ERC2: variants seen among roughly 807,000 people sequenced by gnomAD.
The protein encoded by ERC2 is ERC protein 2.
In ERC2, 42 loss-of-function variants were observed where a neutral mutation model predicts 114.8. The ratio of observed to expected loss-of-function variants is 0.37; its 90% confidence interval spans 0.29 to 0.47. The LOEUF (loss-of-function observed/expected upper bound fraction) is 0.47. Among genes scored for constraint, ERC2 ranks in the 20% least tolerant of loss-of-function variants. The pLI, the probability that ERC2 is intolerant of heterozygous loss-of-function variation, is 0.99. For missense variants in ERC2, 939 were observed against 1,150.7 expected, an observed-to-expected ratio of 0.82 and a Z score of 2.66; for synonymous variants, 454 against 425.5, an observed-to-expected ratio of 1.07 and a Z score of -0.82.
At chr3:56,278,972 T>C (rs1372473614) in intron 3 of ERC2, among the ~76,000 whole-genome samples, 2 of 152,174 alleles carry the variant, frequency 1.3e-5, no homozygotes, top group Admixed American at 6.5e-5. Flanking sequence ...GAGTATTACA[T>C]ATCCAAATTA....
intron 6 of ERC2, among the ~76,000 whole-genome samples, chr3:56,102,628 A>AAG (rs1454623994): frequency 5.3e-5 from 8 of 152,190 alleles, no homozygotes; most frequent in Non-Finnish European, 7.3e-5. Flanking sequence ...TTAGGAATAT[A>AAG]TAATTAGACA....
chr3:55,986,060 A>G lies in ERC2; in HGVS notation c.2256-72T>C, dbSNP rs182437505. On this transcript the variant is annotated intron_variant, in intron 11 of 17. Coordinates refer to ENST00000288221, the MANE Select transcript of ERC2 (RefSeq NM_015576.3). ...AGGAAAAGGGATAGCAAAAGAGAAT[A>G]AAAGGAAGGAAATGCATTAGTTTTA... 2.2e-4 allele frequency: 304 copies of G among 1,392,086 alleles called. 1 individual carries two copies. Among genetic ancestry groups the G allele is most frequent in the Non-Finnish European group, 2.7e-4 (279 of 1,015,480 alleles). 86.2% of individuals were successfully genotyped at this position (1,392,086 alleles called of 1,614,324 possible).
chr3:56,369,235 T>C (rs1431780902), intron 2 of ERC2, among the ~76,000 whole-genome samples: 2 of 152,180 alleles, frequency 1.3e-5, no homozygotes, highest in Non-Finnish European at 2.9e-5. Flanking sequence ...GTTCAGAAAA[T>C]ACTCATTCTT....
At chr3:56,148,494 C>G (rs1479398759) in intron 5 of ERC2, among the ~76,000 whole-genome samples, 2 of 152,142 alleles carry the variant, frequency 1.3e-5, no homozygotes, top group Non-Finnish European at 2.9e-5. Flanking sequence ...ACCACGTTAG[C>G]CAGGCCGGTC....
At chr3:56,081,408 T>C (rs553800456) in intron 6 of ERC2, among the ~76,000 whole-genome samples, 2 of 152,216 alleles carry the variant, frequency 1.3e-5, no homozygotes, top group East Asian at 1.9e-4. Context: ...GCCATGGACA[T>C]CCAGAGGAAC....
chr3:55,931,511 C>T (rs540037083), intron 13 of ERC2, among the ~76,000 whole-genome samples: 3 of 152,070 alleles, frequency 2.0e-5, no homozygotes, highest in Non-Finnish European at 4.4e-5. Context: ...AACAGAAAAC[C>T]AAACAGCACA....
chr3:55,966,680 G>T (rs2068769339), intron 12 of ERC2, among the ~76,000 whole-genome samples: 1 of 152,128 alleles, frequency 6.6e-6, no homozygotes. Flanking sequence ...CAAAATTCAT[G>T]TCACTTTCCT....
intron 15 of ERC2, among the ~76,000 whole-genome samples, chr3:55,704,857 G>A (rs1210491380): frequency 6.6e-6 from 1 of 152,246 alleles, no homozygotes; most frequent in Non-Finnish European, 1.5e-5. Flanking sequence ...ATCTGCAACT[G>A]CAATGATGCC....
At chr3:55,897,039 G>T (rs62253667) in intron 13 of ERC2, among the ~76,000 whole-genome samples, 13 of 152,114 alleles carry the variant, frequency 8.5e-5, no homozygotes, top group African/African-American at 3.1e-4. Flanking sequence ...CAGTGTTTAC[G>T]CATGGCTCTG....
intron 13 of ERC2, among the ~76,000 whole-genome samples, chr3:55,909,561 T>A (rs1355928573): frequency 2.0e-5 from 3 of 151,562 alleles, no homozygotes; most frequent in African/African-American, 4.9e-5. Context: ...TCCAAGAAGC[T>A]CTCCAGAGCA....
intron 14 of ERC2, chr3:55,766,590 A>T (rs556583658): frequency 6.6e-6 from 1 of 152,160 alleles, no homozygotes; most frequent in Admixed American, 6.5e-5. Context: ...CCCTAAAATA[A>T]TGATGGGGGA....
chr3:55,783,442 C>A lies in ERC2; in HGVS notation c.2565-48524G>T, dbSNP rs925769649. Among the ~76,000 whole-genome samples the A allele has an allele frequency of 1.8e-4, 28 of 152,212 alleles. 1 individual carries two copies. The highest frequency in any genetic ancestry group is 4.4e-5 in the Non-Finnish European group (3 of 68,036). On this transcript the variant is annotated intron_variant, in intron 14 of 17. Coordinates refer to ENST00000288221, the MANE Select transcript of ERC2 (RefSeq NM_015576.3). ...ACTAGTCTCTGAACAAATGTTATTT[C>A]TCTGAATCCAACAGTCCACCTGTCA...
intron 12 of ERC2, among the ~76,000 whole-genome samples, chr3:55,979,582 G>A (rs1316291845): frequency 6.6e-6 from 1 of 152,088 alleles, no homozygotes; most frequent in African/African-American, 2.4e-5. Context: ...ATAAATTATT[G>A]TACATACAGC....
intron 7 of ERC2, among the ~76,000 whole-genome samples, chr3:56,080,587 T>TA (rs1489314270): frequency 1.3e-5 from 2 of 152,188 alleles, no homozygotes; most frequent in South Asian, 2.1e-4. Context: ...AGCTGCTGAA[T>TA]AAAAAATTAT....
intron 17 of ERC2, among the ~76,000 whole-genome samples, chr3:55,575,251 C>T (rs144280168): frequency 1.4e-3 from 207 of 152,304 alleles, no homozygotes; most frequent in Non-Finnish European, 2.5e-3. Context: ...CTCCTGACCT[C>T]AAGTGATCTG....
intron 15 of ERC2, among the ~76,000 whole-genome samples, chr3:55,708,332 C>A (rs2063593029): frequency 6.6e-6 from 1 of 152,186 alleles, no homozygotes; most frequent in Non-Finnish European, 1.5e-5. Context: ...ATCCTGAGCA[C>A]CATTGCTAGT....
chr3:55,960,066 A>G (rs890991686), intron 12 of ERC2, among the ~76,000 whole-genome samples: 3 of 152,140 alleles, frequency 2.0e-5, no homozygotes, highest in Admixed American at 2.0e-4. Context: ...CCACCATCAC[A>G]TTTTGCCTGG....
At chr3:56,299,682 A>G (rs562095578) in intron 2 of ERC2, among the ~76,000 whole-genome samples, 1 of 152,062 alleles carries the variant, frequency 6.6e-6, no homozygotes, top group Non-Finnish European at 1.5e-5. Context: ...CACCTGCCTC[A>G]GCCTCCCAAA....
At chr3:56,129,537 CT>C (rs1331717476) in intron 6 of ERC2, among the ~76,000 whole-genome samples, 6 of 152,186 alleles carry the variant, frequency 3.9e-5, no homozygotes, top group African/African-American at 7.2e-5. Flanking sequence ...CTCCTAAATT[CT>C]GTCATCTCCT....
Sources: gnomAD v4.1 joint callset for allele counts (sites outside exome capture counted in the v4.1 genomes callset) on GRCh38, gnomAD v4.1.1 for gene constraint, MANE v1.5 for transcripts, NCBI Gene and HGNC (gene_info 2026-07-23, HGNC 2026-07-21) for gene names.